Variants in PRKG1 observed in about 807,000 individuals in gnomAD.
The protein encoded by PRKG1 is cGMP-dependent protein kinase 1.
In PRKG1, 35 loss-of-function variants were observed where a neutral mutation model predicts 88.1. That is an observed-to-expected ratio of 0.40 (90% CI 0.30 to 0.53). The LOEUF is 0.53. Among genes scored for constraint, PRKG1 ranks in the 20% least tolerant of loss-of-function variants. The probability of loss-of-function intolerance (pLI) is 0.59; values close to 1 mark genes in which losing one functional copy is unlikely to be tolerated. For synonymous variants in PRKG1, 303 were observed against 292.5 expected, an observed-to-expected ratio of 1.04 and a Z score of -0.37; for missense variants, 540 against 839.8, an observed-to-expected ratio of 0.64 and a Z score of 4.41.
intron 3 of PRKG1, among the ~76,000 whole-genome samples, chr10:51,712,143 A>C (rs926280577): frequency 8.5e-5 from 13 of 152,234 alleles, no homozygotes; most frequent in Admixed American, 2.6e-4. Flanking sequence ...TCATGGAGAA[A>C]TATGAAAGGA....
rs191100166 is a variant in PRKG1, at chr10:51,201,489, A to G, written c.478+48159A>G. On this transcript the variant is annotated intron_variant, in intron 2 of 17. Transcript: ENST00000373980. ...ATAAAAATTAAAGCAGGAAAATGTA[A>G]TATATCAAAGCCATGTATTTTTATT... 6.6e-5 allele frequency among the ~76,000 whole-genome samples: 10 copies of G among 152,314 alleles called. No homozygotes were observed. The East Asian group carries it at 1.2e-3, about 18-fold the overall frequency.
At position 52,294,303 on chromosome 10, in the gene PRKG1, A is replaced by G. The variant is rs1043547898; in HGVS notation, c.*403A>G. 1 of 156,222 alleles carries G rather than the reference A, an allele frequency of 6.4e-6. No individual in the cohort carries two copies. The highest frequency in any genetic ancestry group is 2.4e-5 in the African/African-American group (1 of 41,508). The allele number at this position is 156,222 out of a possible 1,614,324, so 9.7% of individuals were successfully genotyped here. On this transcript the variant is annotated 3_prime_UTR_variant, in exon 18 of 18. Coordinates refer to ENST00000373980, the MANE Select transcript of PRKG1 (RefSeq NM_006258.4). ...AATATATTGGGTACAATAGATTACT[A>G]TGGTACAGAAACTGGGCTATTCCCT...
intron 1 of PRKG1, among the ~76,000 whole-genome samples, chr10:51,092,032 A>T (rs16913709): frequency 0.064 from 9,768 of 152,180 alleles, 468 homozygotes; most frequent in East Asian, 0.15. Flanking sequence ...TCCTTGAAAT[A>T]ACCTTCCAAC....
Position 51,885,340 on chromosome 10 carries a change from T to C in PRKG1, c.699-22167T>C, listed in dbSNP as rs144577724. On this transcript the variant is annotated intron_variant, in intron 4 of 17. Coordinates refer to ENST00000373980, the MANE Select transcript of PRKG1 (RefSeq NM_006258.4). Reference sequence around the variant, plus strand: ...GTGACTTGCCCACTGATCTATTTAATGGCAGATTCTGTTTTAGCAATATAA... The same window carrying C: ...GTGACTTGCCCACTGATCTATTTAACGGCAGATTCTGTTTTAGCAATATAA... Among the ~76,000 whole-genome samples, 864 of 152,360 alleles carry C rather than the reference T, an allele frequency of 5.7e-3. 7 individuals are homozygous for C. Among genetic ancestry groups the C allele is most frequent in the Non-Finnish European group, 8.0e-3 (541 of 68,038 alleles).
At chr10:51,085,798 A>G (rs1844232991) in intron 1 of PRKG1, among the ~76,000 whole-genome samples, 1 of 152,214 alleles carries the variant, frequency 6.6e-6, no homozygotes. Context: ...CTTTATAAAA[A>G]TGTAATGTGA....
At chr10:51,242,177 G>A (rs368097669) in intron 2 of PRKG1, among the ~76,000 whole-genome samples, 1 of 152,240 alleles carries the variant, frequency 6.6e-6, no homozygotes. Context: ...AAAGACAGGA[G>A]GCTGGGAGAA....
rs141482121 is a variant in PRKG1 at position 51,025,674 on chromosome 10, G to A, written c.266+34030G>A. Among the ~76,000 whole-genome samples, 493 of 152,208 alleles carry A rather than the reference G, an allele frequency of 3.2e-3. 1 individual carries two copies. The highest frequency in any genetic ancestry group is 0.011 in the African/African-American group (470 of 41,528). On this transcript the variant is annotated intron_variant, in intron 1 of 17. Transcript: ENST00000401604. The stretch of plus-strand genomic sequence containing the variant: ...GTCAGTAGAAGAACAAGTAGATCTC[G>A]ATGCAGCCACCTCTACTCTGTCGTC...
At chr10:51,810,890 T>C (rs900500094) in intron 4 of PRKG1, among the ~76,000 whole-genome samples, 8 of 152,210 alleles carry the variant, frequency 5.3e-5, no homozygotes, top group East Asian at 3.8e-4. Flanking sequence ...TTGTGGTTTC[T>C]GCCTCACCTG....
chr10:52,231,460 T>C (rs1329135806), intron 9 of PRKG1: 1 of 152,104 alleles, frequency 6.6e-6, no homozygotes, highest in Non-Finnish European at 1.5e-5. Flanking sequence ...AGAATATTTA[T>C]CAATATGTTT....
intron 5 of PRKG1, among the ~76,000 whole-genome samples, chr10:51,957,107 CTCTT>C (rs149462049): frequency 3.4e-5 from 4 of 117,404 alleles, no homozygotes; most frequent in Non-Finnish European, 6.7e-5. Flanking sequence ...CTTTCTCTCT[CTCTT>C]TCTTTCTTTC....
At chr10:51,285,926 A>T (rs964345474) in intron 2 of PRKG1, among the ~76,000 whole-genome samples, 1 of 152,114 alleles carries the variant, frequency 6.6e-6, no homozygotes, top group Non-Finnish European at 1.5e-5. Context: ...AAATGAGTTA[A>T]TGGGGCTTGT....
intron 3 of PRKG1, among the ~76,000 whole-genome samples, chr10:51,630,963 A>C (rs1189503538): frequency 1.3e-5 from 2 of 152,174 alleles, no homozygotes; most frequent in Non-Finnish European, 2.9e-5. Flanking sequence ...TTTTCTATTG[A>C]AAAACTCCAA....
chr10:51,522,594 C>T (rs910272686), intron 3 of PRKG1, among the ~76,000 whole-genome samples: 4 of 151,984 alleles, frequency 2.6e-5, no homozygotes, highest in African/African-American at 9.7e-5. Flanking sequence ...GTTTTGGGGA[C>T]AGTGAGGGGT....
intron 3 of PRKG1, among the ~76,000 whole-genome samples, chr10:51,671,864 A>G (rs1252150817): frequency 6.6e-6 from 1 of 152,034 alleles, no homozygotes; most frequent in African/African-American, 2.4e-5. Context: ...CTCTTTTATA[A>G]GAATACTGGT....
intron 1 of PRKG1, among the ~76,000 whole-genome samples, chr10:51,121,916 A>T (rs1441390734): frequency 6.6e-6 from 1 of 152,178 alleles, no homozygotes; most frequent in Admixed American, 6.5e-5. Context: ...GAACACTGCT[A>T]CACTTATTGC....
intron 2 of PRKG1, among the ~76,000 whole-genome samples, chr10:51,272,928 T>A (rs763836149): frequency 6.6e-6 from 1 of 152,146 alleles, no homozygotes; most frequent in African/African-American, 2.4e-5. Context: ...TGTATTAGAA[T>A]CCTAAGTTCA....
chr10:51,100,018 C>T (rs59098547), intron 1 of PRKG1, among the ~76,000 whole-genome samples: 5,067 of 152,164 alleles, frequency 0.033, 97 homozygotes, highest in Middle Eastern at 0.058. Context: ...CTCAGCCTCC[C>T]GAGTATCTGG....
chr10:51,085,972 T>G (rs1051465972), intron 1 of PRKG1, among the ~76,000 whole-genome samples: 1 of 152,240 alleles, frequency 6.6e-6, no homozygotes, highest in African/African-American at 2.4e-5. Flanking sequence ...TTCTTTGTTC[T>G]TCATCAAAGG....
rs1209619710 is a variant in PRKG1, at chr10:52,037,113, G to C, written c.763-17371G>C. Among the ~76,000 whole-genome samples, 3 of 152,382 alleles carry C rather than the reference G, an allele frequency of 2.0e-5. No individual in the cohort carries two copies. The East Asian group carries it at 5.8e-4, about 29-fold the overall frequency. Reference sequence around the variant, plus strand: ...CAGGGGCTCTGGGAGTGGCTGCCAGGTGAGTTGAACAGTCCGATTTTCAGT... The same window carrying C: ...CAGGGGCTCTGGGAGTGGCTGCCAGCTGAGTTGAACAGTCCGATTTTCAGT... On this transcript the variant is annotated intron_variant, in intron 5 of 17. Coordinates refer to ENST00000373980, the MANE Select transcript of PRKG1 (RefSeq NM_006258.4).
Sources: gnomAD v4.1 joint callset for allele counts (sites outside exome capture counted in the v4.1 genomes callset) on GRCh38, gnomAD v4.1.1 for gene constraint, MANE v1.5 for transcripts, NCBI Gene and HGNC (gene_info 2026-07-23, HGNC 2026-07-21) for gene names.